The following COL23A1 variants were observed in gnomAD, a reference collection of about 807,000 sequenced individuals.
COL23A1 encodes collagen type XXIII alpha 1 chain.
COL23A1 carries 97 observed loss-of-function variants against 99.3 expected under a neutral mutation model. That is an observed-to-expected ratio of 0.98 (90% CI 0.83 to 1.16). The LOEUF (loss-of-function observed/expected upper bound fraction) is 1.16. Among genes scored for constraint, COL23A1 ranks in the 50% most tolerant of loss-of-function variants. COL23A1 has a pLI of 0.00. For synonymous variants in COL23A1, 320 were observed against 308.2 expected, an observed-to-expected ratio of 1.04 and a Z score of -0.40; for missense variants, 762 against 757.4, an observed-to-expected ratio of 1.01 and a Z score of -0.07.
chr5:178,483,452 C>T (rs1176611971), intron 2 of COL23A1, among the ~76,000 whole-genome samples: 1 of 152,226 alleles, frequency 6.6e-6, no homozygotes, highest in Non-Finnish European at 1.5e-5. Flanking sequence ...TTTCTAGATT[C>T]TCTCTGCTCA....
chr5:178,273,352 C>G (rs1307624624), intron 5 of COL23A1, among the ~76,000 whole-genome samples: 2 of 152,230 alleles, frequency 1.3e-5, no homozygotes, highest in Non-Finnish European at 2.9e-5. Context: ...TAGGACTGTT[C>G]CTGGGGGGTC....
At chr5:178,378,343 C>A (rs138100889) in intron 2 of COL23A1, 1 of 151,466 alleles carries the variant, frequency 6.6e-6, no homozygotes, top group African/African-American at 2.5e-5. Context: ...TCCTGCACCC[C>A]CTGAGGACTG....
chr5:178,450,601 T>C (rs1581413109), intron 2 of COL23A1, among the ~76,000 whole-genome samples: 1 of 152,336 alleles, frequency 6.6e-6, no homozygotes, highest in South Asian at 2.1e-4. Context: ...CTTGCTTCAC[T>C]ATCTGGAGGT....
At chr5:178,569,404 G>C (rs1269467781) in intron 1 of COL23A1, among the ~76,000 whole-genome samples, 1 of 152,306 alleles carries the variant, frequency 6.6e-6, no homozygotes, top group Non-Finnish European at 1.5e-5. Flanking sequence ...ACATCATCTT[G>C]AACGTTGGTG....
chr5:178,357,687 C>T (rs953091545), intron 2 of COL23A1, among the ~76,000 whole-genome samples: 2 of 151,838 alleles, frequency 1.3e-5, no homozygotes, highest in Non-Finnish European at 2.9e-5. Flanking sequence ...TGTTATTTTG[C>T]TTAATGTCAG....
In COL23A1 at chr5:178,308,157, C is replaced by T. The variant is rs1340689473; in HGVS notation, c.362-1238G>A. Among the ~76,000 whole-genome samples the T allele has an allele frequency of 2.6e-5, 4 of 151,796 alleles. No individual in the cohort carries two copies. The highest frequency in any genetic ancestry group is 4.4e-5 in the Non-Finnish European group (3 of 67,976). ...TGTGTGTCCTGTGGGAGGTGCTTCT[C>T]GACTTTTGTTAAGGGAAGGGGAGGA... On this transcript the variant is annotated intron_variant, in intron 2 of 28. Transcript: ENST00000390654. The surrounding 1 kb of genome is among the most constrained non-coding windows in gnomAD (Gnocchi z 5.1).
At chr5:178,486,148 G>A (rs1757614499) in intron 2 of COL23A1, among the ~76,000 whole-genome samples, 1 of 152,198 alleles carries the variant, frequency 6.6e-6, no homozygotes, top group Admixed American at 6.5e-5. Context: ...TTTGACTCTT[G>A]TAAACTTCAA....
intron 3 of COL23A1, among the ~76,000 whole-genome samples, chr5:178,291,749 G>A (rs79624753): frequency 6.6e-6 from 1 of 152,128 alleles, no homozygotes; most frequent in Non-Finnish European, 1.5e-5. Context: ...GGTGAGGGGG[G>A]AGTGGAGAGA....
chr5:178,394,152 GA>G, intron 2 of COL23A1, among the ~76,000 whole-genome samples: 1 of 152,338 alleles, frequency 6.6e-6, no homozygotes, highest in East Asian at 1.9e-4. Flanking sequence ...AGGCAAGGAG[GA>G]GGCCCAGGGC....
At chr5:178,562,307 T>C (rs1236613127) in intron 1 of COL23A1, 3 of 242,710 alleles carry the variant, frequency 1.2e-5, no homozygotes, top group East Asian at 1.3e-4. Flanking sequence ...CGCTCACTCA[T>C]ACTTTGGGAC....
chr5:178,456,347 C>T (rs1342088449), intron 2 of COL23A1, among the ~76,000 whole-genome samples: 1 of 152,066 alleles, frequency 6.6e-6, no homozygotes, highest in Non-Finnish European at 1.5e-5. Flanking sequence ...GAAGGAAATA[C>T]AGCGAAACAT....
chr5:178,341,790 C>G (rs897266644), intron 2 of COL23A1, among the ~76,000 whole-genome samples: 4 of 152,042 alleles, frequency 2.6e-5, no homozygotes, highest in African/African-American at 9.7e-5. Context: ...CAGCAGCAGC[C>G]GGCACCCCGC....
chr5:178,262,560 G>A (rs1039048977), intron 9 of COL23A1, among the ~76,000 whole-genome samples: 1 of 152,148 alleles, frequency 6.6e-6, no homozygotes, highest in Non-Finnish European at 1.5e-5. Context: ...TGGTGGCATG[G>A]GCTCCACAAT....
chr5:178,536,252 C>A (rs545614160), intron 2 of COL23A1, among the ~76,000 whole-genome samples: 1 of 152,384 alleles, frequency 6.6e-6, no homozygotes, highest in South Asian at 2.1e-4. Flanking sequence ...CCCGGTCTGC[C>A]TGCCTCCTCA....
At chr5:178,370,430 C>T (rs1762735875) in intron 2 of COL23A1, among the ~76,000 whole-genome samples, 1 of 152,080 alleles carries the variant, frequency 6.6e-6, no homozygotes, top group Non-Finnish European at 1.5e-5. Flanking sequence ...ACAAACACCA[C>T]ATGATCTCAC....
At chr5:178,250,228 C>T (rs1764961244) in intron 17 of COL23A1, 123 bp from the exon 18 acceptor site, 4 of 1,057,312 alleles carry the variant, frequency 3.8e-6, no homozygotes, top group Non-Finnish European at 5.7e-6. Flanking sequence ...GGACCTCTAG[C>T]TGTGCCAGGA....
chr5:178,273,956 G>A (rs1204440142), intron 5 of COL23A1, among the ~76,000 whole-genome samples: 1 of 152,210 alleles, frequency 6.6e-6, no homozygotes, highest in East Asian at 1.9e-4. Flanking sequence ...TGAACCTCCA[G>A]GGGATGGACC....
intron 3 of COL23A1, among the ~76,000 whole-genome samples, chr5:178,305,914 C>T (rs750431585): frequency 1.3e-5 from 2 of 152,088 alleles, no homozygotes; most frequent in Non-Finnish European, 2.9e-5. Flanking sequence ...TGGCTAGATG[C>T]CTCCTCCCTG....
intron 2 of COL23A1, among the ~76,000 whole-genome samples, chr5:178,357,112 C>A (rs556625815): frequency 6.6e-6 from 1 of 152,350 alleles, no homozygotes; most frequent in South Asian, 2.1e-4. Context: ...ATGCTGTTCT[C>A]CTGTTCCCTT....
Sources: allele counts gnomAD v4.1 joint callset (sites outside exome capture counted in the v4.1 genomes callset), GRCh38; gene constraint gnomAD v4.1.1; non-coding constraint Gnocchi (gnomAD v3.1); transcripts MANE v1.5; gene names NCBI Gene and HGNC (gene_info 2026-07-23, HGNC 2026-07-21).